NRIP1: variants seen among roughly 807,000 people sequenced by gnomAD.
NRIP1 encodes nuclear receptor-interacting protein 1.
NRIP1 carries 28 observed loss-of-function variants against 75.0 expected under a neutral mutation model. The observed-to-expected ratio is 0.37, with a 90% CI of 0.28 to 0.51. The LOEUF (loss-of-function observed/expected upper bound fraction) is 0.51. NRIP1 is among the 20% of genes least tolerant of loss of function. NRIP1 has a pLI of 0.92. For synonymous variants in NRIP1, 526 were observed against 487.6 expected (o/e 1.08, Z -1.04); for missense variants, 1,435 against 1,343.7 (o/e 1.07, Z -1.06).
intron 1 of NRIP1, among the ~76,000 whole-genome samples, chr21:15,047,335 A>T (rs2089103371): frequency 6.6e-6 from 1 of 152,108 alleles, no homozygotes; most frequent in South Asian, 2.1e-4. Context: ...AGGTCAGGAG[A>T]CAGAGACCAT....
At chr21:15,005,782 A>G (rs2087956319) in intron 3 of NRIP1, among the ~76,000 whole-genome samples, 1 of 152,208 alleles carries the variant, frequency 6.6e-6, no homozygotes, top group African/African-American at 2.4e-5. Flanking sequence ...ACCTAGAAGC[A>G]TTCTTTTATA....
At position 14,962,499 on chromosome 21, in the gene NRIP1, A is replaced by G; in HGVS notation, c.*2217T>C. On this transcript the variant is annotated 3_prime_UTR_variant, in exon 4 of 4. Coordinates refer to ENST00000318948, the MANE Select transcript of NRIP1 (RefSeq NM_003489.4). ...CCTGACCTAAATTTCACTCTCTTGT[A>G]AAAAGGTCATTTCCCCCTACCCAAG... 6.6e-6 allele frequency: 1 copy of G among 152,414 alleles called. No individual in the cohort carries two copies. The highest frequency in any genetic ancestry group is 1.9e-4 in the East Asian group (1 of 5,196). The allele number at this position is 152,414 out of a possible 1,614,324, so 9.4% of individuals were successfully genotyped here.
chr21:15,045,464 T>C (rs1370069622), intron 1 of NRIP1, among the ~76,000 whole-genome samples: 2 of 152,244 alleles, frequency 1.3e-5, no homozygotes, highest in Non-Finnish European at 2.9e-5. Flanking sequence ...CATACCTTAG[T>C]ATAAAAATAC....
intron 2 of NRIP1, among the ~76,000 whole-genome samples, chr21:15,015,620 C>T (rs1052412209): frequency 1.8e-4 from 27 of 151,714 alleles, no homozygotes; most frequent in Admixed American, 1.2e-3. Context: ...AAATAAACTA[C>T]AGTATATTAC....
At chr21:15,053,139 T>C (rs1184185630) in intron 1 of NRIP1, among the ~76,000 whole-genome samples, 6 of 152,174 alleles carry the variant, frequency 3.9e-5, no homozygotes, top group Non-Finnish European at 7.4e-5. Context: ...TATACAATGA[T>C]TTTGCAAAAG....
rs61733443 is a variant in NRIP1, at chr21:14,965,760, A to G, written c.2433T>C (p.Phe811=). 6.2e-7 allele frequency: 1 copy of G among 1,614,014 alleles called. No individual in the cohort carries two copies. Among genetic ancestry groups the G allele is most frequent in the Non-Finnish European group, 8.5e-7 (1 of 1,179,970 alleles). ...TTAGCAGACCATTCTTGGAGAAAGA[A>G]AAATCCTGAGGTGAAACAGGCTCCG... is the stretch of plus-strand genomic sequence containing the variant. The part of the protein sequence containing the change: ...FKSEPVSPQD[F]SFSKNGLLSR... Residue 811 remains phenylalanine, a synonymous_variant, in exon 4 of 4, where the codon TTT becomes TTC. Coordinates refer to ENST00000318948, the MANE Select transcript of NRIP1 (RefSeq NM_003489.4).
At chr21:14,976,533 T>C (rs965878599) in intron 3 of NRIP1, among the ~76,000 whole-genome samples, 13 of 152,290 alleles carry the variant, frequency 8.5e-5, no homozygotes, top group African/African-American at 2.6e-4. Flanking sequence ...GTAAATACTG[T>C]GCATACTAAC....
chr21:14,999,163 G>T (rs112671766), intron 3 of NRIP1, among the ~76,000 whole-genome samples: 1 of 152,010 alleles, frequency 6.6e-6, no homozygotes, highest in Non-Finnish European at 1.5e-5. Flanking sequence ...TTTTAGTAGC[G>T]ATAGGGTCTT....
rs374369285 is a variant in NRIP1, at chr21:14,997,129, T to G, written c.-335+17215A>C. On this transcript the variant is annotated intron_variant, in intron 3 of 3. Coordinates refer to ENST00000318948, the MANE Select transcript of NRIP1 (RefSeq NM_003489.4). ...AGATCACCCCAGTCTCCTACAGATC[T>G]ACAAAAAATCTCTAAATGCCAATAA... 3.2e-4 allele frequency among the ~76,000 whole-genome samples: 49 copies of G among 152,200 alleles called. 1 individual carries two copies. In the South Asian group the frequency reaches 0.01, roughly 32 times the overall value.
chr21:15,057,062 C>T (rs905300001), intron 1 of NRIP1, among the ~76,000 whole-genome samples: 1 of 152,194 alleles, frequency 6.6e-6, no homozygotes, highest in Non-Finnish European at 1.5e-5. Flanking sequence ...CTTCCACTTC[C>T]TTCCAATTCA....
At chr21:14,988,436 G>C (rs1020769315) in intron 3 of NRIP1, among the ~76,000 whole-genome samples, 1 of 147,526 alleles carries the variant, frequency 6.8e-6, no homozygotes, top group East Asian at 2.0e-4. Flanking sequence ...TAGATAGATA[G>C]ATAGATAGAT....
At chr21:14,981,999 C>T (rs2147019355) in intron 3 of NRIP1, among the ~76,000 whole-genome samples, 1 of 152,136 alleles carries the variant, frequency 6.6e-6, no homozygotes, top group Admixed American at 6.5e-5. Flanking sequence ...ACCACAGGCA[C>T]ACACCACCAT....
At chr21:15,055,440 C>G (rs1401801166) in intron 1 of NRIP1, among the ~76,000 whole-genome samples, 1 of 152,050 alleles carries the variant, frequency 6.6e-6, no homozygotes. Context: ...TTTTTAAATT[C>G]TCAGCCTGGA....
intron 3 of NRIP1, among the ~76,000 whole-genome samples, chr21:14,973,074 T>A (rs2086947433): frequency 1.3e-5 from 2 of 152,224 alleles, no homozygotes; most frequent in South Asian, 4.1e-4. Context: ...TTGATGGTGA[T>A]TTCATTAGAG....
At chr21:15,038,989 T>C (rs1027669355) in intron 2 of NRIP1, among the ~76,000 whole-genome samples, 4 of 152,068 alleles carry the variant, frequency 2.6e-5, no homozygotes, top group Admixed American at 2.6e-4. Context: ...AACACAAATT[T>C]CATTGTATTT....
intron 3 of NRIP1, among the ~76,000 whole-genome samples, chr21:15,002,761 A>C (rs2087877616): frequency 6.6e-6 from 1 of 152,162 alleles, no homozygotes; most frequent in Admixed American, 6.6e-5. Context: ...TGAATTTATC[A>C]TTTCAGGTAT....
intron 2 of NRIP1, among the ~76,000 whole-genome samples, chr21:15,032,087 G>A (rs1212759534): frequency 6.6e-6 from 1 of 152,224 alleles, no homozygotes; most frequent in Non-Finnish European, 1.5e-5. Flanking sequence ...CATCTCTGAA[G>A]TAATCCTAAG....
At chr21:14,974,491 C>A (rs2086993963) in intron 3 of NRIP1, among the ~76,000 whole-genome samples, 1 of 152,202 alleles carries the variant, frequency 6.6e-6, no homozygotes, top group South Asian at 2.1e-4. Context: ...AATGATCAAT[C>A]CAATGAATTA....
chr21:15,026,463 T>C lies in NRIP1; in HGVS notation c.-457-11997A>G, dbSNP rs148460253. On this transcript the variant is annotated intron_variant, in intron 2 of 3. Coordinates refer to ENST00000318948, the MANE Select transcript of NRIP1 (RefSeq NM_003489.4). ...TGAAATGTAAACTGGTCTGATAACA[T>C]TGGAAACAACTTCATATTATTTCAT... 1.1e-4 allele frequency among the ~76,000 whole-genome samples: 16 copies of C among 152,292 alleles called. No homozygotes were observed. The East Asian group carries it at 1.9e-3, about 18-fold the overall frequency.
Sources: gnomAD v4.1 joint callset for allele counts (sites outside exome capture counted in the v4.1 genomes callset) on GRCh38, gnomAD v4.1.1 for gene constraint, MANE v1.5 for transcripts, NCBI Gene and HGNC (gene_info 2026-07-23, HGNC 2026-07-21) for gene names.